The following SORCS3 variants were observed in gnomAD, a reference collection of about 807,000 sequenced individuals.
The protein encoded by SORCS3 is sortilin related VPS10 domain containing receptor 3.
A neutral mutation model predicts 146.3 loss-of-function variants in SORCS3; 57 were observed. The ratio of observed to expected loss-of-function variants is 0.39; its 90% CI spans 0.31 to 0.49. The LOEUF is 0.49. Ranked by LOEUF, SORCS3 falls within the 20% of genes least tolerant of loss-of-function variation. The pLI is 0.92. For missense variants in SORCS3, 1,341 were observed against 1,575.5 expected (o/e 0.85, Z 2.52); for synonymous variants, 653 against 618.5 (o/e 1.06, Z -0.83).
At chr10:104,743,488 G>T (rs1446102390) in intron 1 of SORCS3, among the ~76,000 whole-genome samples, 2 of 152,178 alleles carry the variant, frequency 1.3e-5, no homozygotes, top group Admixed American at 6.5e-5. Context: ...AGTGCAGGGA[G>T]GCCAAGTTTA....
intron 20 of SORCS3, among the ~76,000 whole-genome samples, chr10:105,224,327 G>A (rs1252849459): frequency 6.6e-6 from 1 of 152,094 alleles, no homozygotes; most frequent in Non-Finnish European, 1.5e-5. Flanking sequence ...CATATAGTTG[G>A]AATCATATAG....
At chr10:105,132,134 C>T (rs2056023774) in intron 7 of SORCS3, among the ~76,000 whole-genome samples, 1 of 152,078 alleles carries the variant, frequency 6.6e-6, no homozygotes, top group South Asian at 2.1e-4. Flanking sequence ...TCCAGCTCCA[C>T]CATTTATTTG....
At chr10:105,131,445 G>A (rs184255484) in intron 7 of SORCS3, among the ~76,000 whole-genome samples, 98 of 152,188 alleles carry the variant, frequency 6.4e-4, no homozygotes, top group Non-Finnish European at 3.7e-4. Context: ...GACAGCTCTC[G>A]TGTAAGCCCA....
At chr10:104,904,781 G>A (rs1364151196) in intron 2 of SORCS3, among the ~76,000 whole-genome samples, 1 of 123,698 alleles carries the variant, frequency 8.1e-6, no homozygotes, top group Non-Finnish European at 1.6e-5. Context: ...GCTATCTTGT[G>A]CGTTATTATT....
chr10:105,092,373 A>G (rs889931478), intron 6 of SORCS3, among the ~76,000 whole-genome samples: 1 of 151,996 alleles, frequency 6.6e-6, no homozygotes, highest in Non-Finnish European at 1.5e-5. Flanking sequence ...ATTTTATTTT[A>G]TTTTTTCATT....
chr10:104,811,427 T>C (rs1363810185), intron 1 of SORCS3, among the ~76,000 whole-genome samples: 1 of 152,226 alleles, frequency 6.6e-6, no homozygotes, highest in East Asian at 1.9e-4. Context: ...CCTCATTTAC[T>C]CCTCACAGTT....
intron 3 of SORCS3, among the ~76,000 whole-genome samples, chr10:104,957,554 AAC>A (rs10660859): frequency 4.0e-4 from 59 of 148,152 alleles, no homozygotes; most frequent in East Asian, 1.6e-3. Flanking sequence ...AAGGAAAGAA[AAC>A]ACACACACAC....
At chr10:104,768,645 C>T (rs527623346) in intron 1 of SORCS3, among the ~76,000 whole-genome samples, 1 of 152,194 alleles carries the variant, frequency 6.6e-6, no homozygotes, top group Non-Finnish European at 1.5e-5. Context: ...GCTTCATTCT[C>T]TTGCAGTGCT....
At chr10:105,228,454 C>T (rs912867003) in intron 20 of SORCS3, among the ~76,000 whole-genome samples, 1 of 150,710 alleles carries the variant, frequency 6.6e-6, no homozygotes, top group African/African-American at 2.4e-5. Flanking sequence ...CTCTCTCTTT[C>T]TCTCTTTCCC....
chr10:105,045,173 T>A (rs1048807114), intron 5 of SORCS3, among the ~76,000 whole-genome samples: 1 of 152,272 alleles, frequency 6.6e-6, no homozygotes, highest in South Asian at 2.1e-4. Context: ...AGATGAACCA[T>A]GCCACTGTGT....
chr10:104,926,766 A>G (rs1199803891), intron 3 of SORCS3, among the ~76,000 whole-genome samples: 1 of 152,254 alleles, frequency 6.6e-6, no homozygotes, highest in Non-Finnish European at 1.5e-5. Context: ...CTTTCTCAGC[A>G]AATATAGGTA....
chr10:104,754,327 G>A (rs552095106), intron 1 of SORCS3, among the ~76,000 whole-genome samples: 5 of 152,220 alleles, frequency 3.3e-5, no homozygotes, highest in South Asian at 2.1e-4. Flanking sequence ...CAGACCCCAC[G>A]CAGGGCCTCC....
intron 3 of SORCS3, among the ~76,000 whole-genome samples, chr10:104,922,466 A>C (rs2019096982): frequency 6.6e-6 from 1 of 152,168 alleles, no homozygotes; most frequent in African/African-American, 2.4e-5. Flanking sequence ...GGATGCATGC[A>C]GGGGCCAGAA....
chr10:104,728,085 A>T (rs2016663513), intron 1 of SORCS3, among the ~76,000 whole-genome samples: 1 of 150,198 alleles, frequency 6.7e-6, no homozygotes, highest in South Asian at 2.1e-4. Flanking sequence ...TCTATCTGTC[A>T]TCTCTTTTGT....
chr10:105,031,958 C>G (rs912413327), intron 4 of SORCS3, among the ~76,000 whole-genome samples: 1 of 151,998 alleles, frequency 6.6e-6, no homozygotes, highest in Non-Finnish European at 1.5e-5. Flanking sequence ...TTTGGAAGGC[C>G]GAGGCAGGCA....
intron 3 of SORCS3, among the ~76,000 whole-genome samples, chr10:104,927,484 A>C (rs2019160137): frequency 6.6e-6 from 1 of 152,238 alleles, no homozygotes; most frequent in African/African-American, 2.4e-5. Flanking sequence ...CAGGCTGGAT[A>C]AGAGAAAATA....
intron 7 of SORCS3, among the ~76,000 whole-genome samples, chr10:105,122,547 A>G (rs2055941051): frequency 6.6e-6 from 1 of 152,140 alleles, no homozygotes; most frequent in Non-Finnish European, 1.5e-5. Context: ...TCATTTAATA[A>G]TCTTGTATTG....
chr10:104,645,769 G>C (rs540872981), intron 1 of SORCS3, among the ~76,000 whole-genome samples: 1 of 152,256 alleles, frequency 6.6e-6, no homozygotes, highest in South Asian at 2.1e-4. Flanking sequence ...AATTCAGCTG[G>C]ACTGTGTTCT....
chr10:105,154,069 G>GAAAAAAAAAA (rs59868914), intron 9 of SORCS3, among the ~76,000 whole-genome samples: 1 of 76,154 alleles, frequency 1.3e-5, no homozygotes, highest in Non-Finnish European at 2.4e-5. Flanking sequence ...GACTCCATCT[G>GAAAAAAAAAA]AAAAAAAAAA....
Sources: allele counts gnomAD v4.1 joint callset (sites outside exome capture counted in the v4.1 genomes callset), GRCh38; gene constraint gnomAD v4.1.1; transcripts MANE v1.5; gene names NCBI Gene and HGNC (gene_info 2026-07-23, HGNC 2026-07-21).